The following KCNH7 variants were observed in gnomAD, a reference collection of about 807,000 sequenced individuals.
KCNH7 encodes potassium voltage-gated channel subfamily H member 7.
A neutral mutation model predicts 120.8 loss-of-function variants in KCNH7; 49 were observed. The observed-to-expected ratio is 0.41, with a 90% CI of 0.32 to 0.51. The LOEUF (loss-of-function observed/expected upper bound fraction) is 0.51. KCNH7 is among the 20% of genes least tolerant of loss of function. KCNH7 has a pLI of 0.38. For synonymous variants in KCNH7, 547 were observed against 516.1 expected (o/e 1.06, Z -0.81); for missense variants, 1,097 against 1,446.6 (o/e 0.76, Z 3.92).
chr2:162,488,339 T>G (rs1481933061), intron 6 of KCNH7, among the ~76,000 whole-genome samples: 1 of 152,200 alleles, frequency 6.6e-6, no homozygotes, highest in Non-Finnish European at 1.5e-5. Flanking sequence ...TATGATATTT[T>G]TTTTCTTCCC....
At chr2:162,645,433 A>G (rs1684323445) in intron 2 of KCNH7, among the ~76,000 whole-genome samples, 1 of 152,186 alleles carries the variant, frequency 6.6e-6, no homozygotes, top group Non-Finnish European at 1.5e-5. Context: ...GGCATGAGCC[A>G]CTACACCTGG....
intron 6 of KCNH7, among the ~76,000 whole-genome samples, chr2:162,460,267 G>A (rs554469331): frequency 7.2e-5 from 11 of 152,064 alleles, no homozygotes; most frequent in East Asian, 5.8e-4. Flanking sequence ...TCCTTCCTTC[G>A]AGAGAAGAAG....
chr2:162,451,902 T>C (rs1475055031), intron 6 of KCNH7, among the ~76,000 whole-genome samples: 1 of 151,934 alleles, frequency 6.6e-6, no homozygotes, highest in Non-Finnish European at 1.5e-5. Context: ...CCCAGATTCA[T>C]GAAAGTAGGG....
At chr2:162,427,689 T>A (rs1407407210) in intron 8 of KCNH7, among the ~76,000 whole-genome samples, 1 of 151,960 alleles carries the variant, frequency 6.6e-6, no homozygotes, top group East Asian at 1.9e-4. Flanking sequence ...GAGCAGAAGT[T>A]ATTAATTTTG....
At chr2:162,685,110 G>A (rs537634390) in intron 2 of KCNH7, among the ~76,000 whole-genome samples, 4 of 151,974 alleles carry the variant, frequency 2.6e-5, no homozygotes, top group Non-Finnish European at 4.4e-5. Context: ...AAAACCAAAC[G>A]CCACATATTC....
intron 2 of KCNH7, among the ~76,000 whole-genome samples, chr2:162,687,970 A>C (rs1384615270): frequency 6.6e-6 from 1 of 152,192 alleles, no homozygotes; most frequent in Non-Finnish European, 1.5e-5. Flanking sequence ...AAAACAATTA[A>C]AAAGCAAATT....
intron 2 of KCNH7, among the ~76,000 whole-genome samples, chr2:162,589,496 GA>G (rs1189686061): frequency 6.6e-6 from 1 of 151,666 alleles, no homozygotes; most frequent in Non-Finnish European, 1.5e-5. Flanking sequence ...ATGTTTTAAA[GA>G]AACAGAAATT....
In KCNH7 at chr2:162,805,677, A is replaced by T. The variant is rs551483115; in HGVS notation, c.307+30860T>A. On this transcript the variant is annotated intron_variant, in intron 2 of 15. Transcript: ENST00000332142. Reference sequence around the variant, plus strand: ...AACCTCTATGGAAAACAGTATGGAGATTCCTCAAAGATCTAAAAGTAGATT... The same window carrying T: ...AACCTCTATGGAAAACAGTATGGAGTTTCCTCAAAGATCTAAAAGTAGATT... Among the ~76,000 whole-genome samples, 4 of 152,290 alleles carry T rather than the reference A, an allele frequency of 2.6e-5. No individual in the cohort carries two copies. The South Asian group carries it at 6.2e-4, about 24-fold the overall frequency.
chr2:162,395,234 A>G (rs573599249), intron 11 of KCNH7, among the ~76,000 whole-genome samples: 1 of 151,898 alleles, frequency 6.6e-6, no homozygotes, highest in African/African-American at 2.4e-5. Context: ...GGTGTTCTGA[A>G]TTCCCATGTT....
intron 2 of KCNH7, among the ~76,000 whole-genome samples, chr2:162,621,011 A>G (rs1392481228): frequency 2.0e-5 from 3 of 151,968 alleles, no homozygotes; most frequent in African/African-American, 7.2e-5. Flanking sequence ...TAAATAACCC[A>G]AACCTCTTTC....
At chr2:162,721,722 G>A (rs1221710472) in intron 2 of KCNH7, among the ~76,000 whole-genome samples, 1 of 151,870 alleles carries the variant, frequency 6.6e-6, no homozygotes, top group Admixed American at 6.6e-5. Context: ...CAAATTCAAA[G>A]ACATTTTGAA....
intron 2 of KCNH7, among the ~76,000 whole-genome samples, chr2:162,784,284 T>C (rs1402054251): frequency 6.6e-6 from 1 of 152,198 alleles, no homozygotes; most frequent in Non-Finnish European, 1.5e-5. Flanking sequence ...ATGACCATCC[T>C]GTGGGCTGCT....
At chr2:162,637,828 A>G (rs1045233029) in intron 2 of KCNH7, among the ~76,000 whole-genome samples, 32 of 152,090 alleles carry the variant, frequency 2.1e-4, no homozygotes, top group Non-Finnish European at 2.9e-5. Flanking sequence ...AGACATTAAC[A>G]TGCTGGTTTA....
At chr2:162,608,240 G>C (rs916210932) in intron 2 of KCNH7, among the ~76,000 whole-genome samples, 1 of 152,166 alleles carries the variant, frequency 6.6e-6, no homozygotes, top group Non-Finnish European at 1.5e-5. Flanking sequence ...AGACCAGAGA[G>C]AGACTCTGTG....
In KCNH7 at chr2:162,371,474, C is replaced by G; in HGVS notation, c.*355G>C. 3 of 1,251,642 alleles carry G rather than the reference C, an allele frequency of 2.4e-6. No homozygotes were observed. Among genetic ancestry groups the G allele is most frequent in the Non-Finnish European group, 3.1e-6 (3 of 969,456 alleles). The allele number at this position is 1,251,642 out of a possible 1,614,324, so 77.5% of individuals were successfully genotyped here. A position where few individuals can be genotyped will look rare whatever the true frequency, so the allele number is the denominator to read the frequency against. On this transcript the variant is annotated 3_prime_UTR_variant, in exon 16 of 16. Transcript: ENST00000332142. Reference sequence around the variant, plus strand: ...GTTTTATCCCTTGGTTTCTTATTTGCGTGGAAGGCATTTTCATAACGAAGT... The same window carrying G: ...GTTTTATCCCTTGGTTTCTTATTTGGGTGGAAGGCATTTTCATAACGAAGT...
chr2:162,467,751 A>G (rs1045238023), intron 6 of KCNH7, among the ~76,000 whole-genome samples: 3 of 152,240 alleles, frequency 2.0e-5, no homozygotes, highest in Non-Finnish European at 4.4e-5. Flanking sequence ...TTGGGCTGCT[A>G]TAACAAAATG....
intron 2 of KCNH7, among the ~76,000 whole-genome samples, chr2:162,675,836 T>C (rs183914225): frequency 4.1e-4 from 62 of 151,638 alleles, no homozygotes; most frequent in African/African-American, 1.4e-3. Flanking sequence ...GTTAATTATT[T>C]TACTGAAATT....
chr2:162,443,272 A>G (rs7594378), intron 7 of KCNH7, among the ~76,000 whole-genome samples: 10,294 of 152,148 alleles, frequency 0.068, 882 homozygotes, highest in African/African-American at 0.17. Flanking sequence ...ATTTTTCTAG[A>G]TGCTCATGGG....
intron 2 of KCNH7, among the ~76,000 whole-genome samples, chr2:162,539,965 C>G (rs191245281): frequency 3.3e-4 from 50 of 152,178 alleles, no homozygotes; most frequent in African/African-American, 1.2e-3. Context: ...TGTCAAGATA[C>G]TACTTTGGTC....
Sources: gnomAD v4.1 joint callset for allele counts (sites outside exome capture counted in the v4.1 genomes callset) on GRCh38, gnomAD v4.1.1 for gene constraint, MANE v1.5 for transcripts, NCBI Gene and HGNC (gene_info 2026-07-23, HGNC 2026-07-21) for gene names.